The following APBB2 variants were observed in gnomAD, a reference collection of about 807,000 sequenced individuals.
APBB2 encodes the protein amyloid beta precursor protein binding family B member 2.
Under a neutral mutation model 82.5 loss-of-function variants are expected in APBB2, and 38 were observed. The observed-to-expected ratio is 0.46, with a 90% confidence interval of 0.36 to 0.60. APBB2 has a LOEUF of 0.60. Ranked by LOEUF, APBB2 falls within the 20% of genes least tolerant of loss-of-function variation. APBB2 has a pLI of 0.00. For synonymous variants in APBB2, 341 were observed against 368.2 expected (o/e 0.93, Z 0.85); for missense variants, 772 against 972.3 (o/e 0.79, Z 2.74).
chr4:41,006,429 G>T (rs1271407315), intron 6 of APBB2, among the ~76,000 whole-genome samples: 1 of 152,126 alleles, frequency 6.6e-6, no homozygotes, highest in African/African-American at 2.4e-5. Context: ...CAAACCAGCT[G>T]AAGACTGGGC....
At chr4:41,087,853 G>T (rs972737759) in intron 3 of APBB2, among the ~76,000 whole-genome samples, 1 of 152,158 alleles carries the variant, frequency 6.6e-6, no homozygotes, top group Non-Finnish European at 1.5e-5. Context: ...AAACAATTCT[G>T]CCATTGTATT....
Position 40,830,587 on chromosome 4 carries a change from C to CA in APBB2, c.1530-11dup, listed in dbSNP as rs1488274293. The CA allele has an allele frequency of 1.3e-6, 2 of 1,513,788 alleles. No homozygotes were observed. Among genetic ancestry groups the CA allele is most frequent in the African/African-American group, 2.7e-5 (2 of 72,842 alleles). The allele number at this position is 1,513,788 out of a possible 1,614,324, so 93.8% of individuals were successfully genotyped here. A position where few individuals can be genotyped will look rare whatever the true frequency, so the allele number is the denominator to read the frequency against. On this transcript the variant is annotated splice_polypyrimidine_tract_variant and intron_variant, in intron 12 of 17. Coordinates refer to ENST00000508593, the MANE Select transcript of APBB2 (RefSeq NM_004307.2). ...TACATAAGCAAAATCCCTGTGCAAGCAAAATGTATCAGTCCATTAGTAAGA... is the reference window on the plus strand; with the variant it reads ...TACATAAGCAAAATCCCTGTGCAAGCAAAAATGTATCAGTCCATTAGTAAGA...
At chr4:41,018,164 T>G (rs114142321) in intron 5 of APBB2, among the ~76,000 whole-genome samples, 5,181 of 151,940 alleles carry the variant, frequency 0.034, 126 homozygotes, top group Middle Eastern at 0.071. Flanking sequence ...ATCTTATAGC[T>G]CCCTCCTTCC....
chr4:41,198,037 C>T, intron 1 of APBB2, among the ~76,000 whole-genome samples: 2 of 152,140 alleles, frequency 1.3e-5, no homozygotes, highest in South Asian at 2.1e-4. Context: ...CTGAGAAAGG[C>T]GCTATTATTG....
chr4:40,821,835 C>G, intron 17 of APBB2, 36 bp downstream of exon 17: 11 of 1,600,456 alleles, frequency 6.9e-6, no homozygotes, highest in Non-Finnish European at 8.5e-6. Flanking sequence ...TGAGCAGAGG[C>G]GGGAGGGCTC....
intron 12 of APBB2, among the ~76,000 whole-genome samples, chr4:40,877,842 T>A (rs1164548373): frequency 2.0e-5 from 3 of 152,166 alleles, no homozygotes; most frequent in Non-Finnish European, 2.9e-5. Context: ...TATTGTCCAG[T>A]GGCAAAGTGA....
chr4:40,919,486 G>A (rs941373018), intron 10 of APBB2, among the ~76,000 whole-genome samples: 1 of 151,968 alleles, frequency 6.6e-6, no homozygotes, highest in African/African-American at 2.4e-5. Flanking sequence ...AAATTTCTCT[G>A]GAAAAAAAGA....
chr4:41,176,464 C>T (rs1395088424), intron 1 of APBB2, among the ~76,000 whole-genome samples: 1 of 151,830 alleles, frequency 6.6e-6, no homozygotes, highest in African/African-American at 2.4e-5. Context: ...CAGCTTCTTC[C>T]CCCTCCCAAT....
intron 15 of APBB2, among the ~76,000 whole-genome samples, chr4:40,825,589 C>T (rs768723282): frequency 6.6e-6 from 1 of 152,222 alleles, no homozygotes; most frequent in Admixed American, 6.5e-5. Context: ...TTCAGAGCAG[C>T]GGAGCTCTTC....
At chr4:41,082,321 T>C (rs897423368) in intron 3 of APBB2, among the ~76,000 whole-genome samples, 1 of 152,174 alleles carries the variant, frequency 6.6e-6, no homozygotes, top group Non-Finnish European at 1.5e-5. Flanking sequence ...TTTGATAAGT[T>C]TGAGTCTCCC....
chr4:40,818,718 G>C lies in APBB2; in HGVS notation c.2113-2459C>G, dbSNP rs182434815. Among the ~76,000 whole-genome samples, 187 of 152,206 alleles carry C rather than the reference G, an allele frequency of 1.2e-3. 2 individuals carry two copies. Among genetic ancestry groups the C allele is most frequent in the Admixed American group, 0.011 (171 of 15,280 alleles). ...AATCCTGGCCCTACAGTTCTTGCAG[G>C]GAGTTAGCCACTCTCACAGAGGATG... On this transcript the variant is annotated intron_variant, in intron 17 of 17. Transcript: ENST00000508593.
At chr4:41,021,506 A>G (rs1363246412) in intron 5 of APBB2, among the ~76,000 whole-genome samples, 1 of 151,994 alleles carries the variant, frequency 6.6e-6, no homozygotes, top group Non-Finnish European at 1.5e-5. Context: ...ACCAATCAGC[A>G]CTCTATGTCT....
intron 12 of APBB2, among the ~76,000 whole-genome samples, chr4:40,857,695 C>T (rs1761720751): frequency 6.6e-6 from 1 of 152,024 alleles, no homozygotes; most frequent in African/African-American, 2.4e-5. Context: ...GTCTCAAACT[C>T]CTGGCCTCAA....
intron 6 of APBB2, among the ~76,000 whole-genome samples, chr4:40,972,713 G>A (rs1796260651): frequency 6.6e-6 from 1 of 152,208 alleles, no homozygotes; most frequent in Admixed American, 6.5e-5. Context: ...AATCCAGTTA[G>A]TAATTTCCAG....
intron 13 of APBB2, among the ~76,000 whole-genome samples, chr4:40,829,103 G>C (rs1034559891): frequency 5.9e-5 from 9 of 152,206 alleles, no homozygotes; most frequent in Non-Finnish European, 1.2e-4. Context: ...GAAAGGGCTG[G>C]CTAAAAGAAG....
intron 5 of APBB2, among the ~76,000 whole-genome samples, chr4:41,016,389 C>CCACCCGGCCT (rs1407480520): frequency 6.6e-6 from 1 of 152,112 alleles, no homozygotes; most frequent in Non-Finnish European, 1.5e-5. Context: ...CAGCCGGGTG[C>CCACCCGGCCT]GGTGGCTCAC....
chr4:41,049,201 CCGT>C (rs1724734047), intron 4 of APBB2, among the ~76,000 whole-genome samples: 1 of 150,696 alleles, frequency 6.6e-6, no homozygotes, highest in Non-Finnish European at 1.5e-5. Flanking sequence ...CCCCGCCGCC[CCGT>C]CTGGGATGTG....
chr4:41,065,073 G>A (rs2153890068), intron 4 of APBB2, among the ~76,000 whole-genome samples: 1 of 152,184 alleles, frequency 6.6e-6, no homozygotes, highest in African/African-American at 2.4e-5. Context: ...GATCTCTTGA[G>A]CCTAGGAGGT....
chr4:41,136,990 T>C (rs933176482), intron 2 of APBB2, among the ~76,000 whole-genome samples: 6 of 152,214 alleles, frequency 3.9e-5, no homozygotes, highest in Admixed American at 1.3e-4. Flanking sequence ...ACATTTCTAA[T>C]ATAATTATTT....
Sources: allele counts gnomAD v4.1 joint callset (sites outside exome capture counted in the v4.1 genomes callset), GRCh38; gene constraint gnomAD v4.1.1; transcripts MANE v1.5; gene names NCBI Gene and HGNC (gene_info 2026-07-23, HGNC 2026-07-21).